TPH2: variants seen among roughly 807,000 people sequenced by gnomAD.
TPH2 encodes tryptophan hydroxylase 2.
TPH2 carries 27 observed loss-of-function variants against 59.1 expected under a neutral mutation model. The observed-to-expected ratio is 0.46, with a 90% confidence interval of 0.34 to 0.63. The LOEUF (loss-of-function observed/expected upper bound fraction) is 0.63, where lower values mean the gene tolerates loss of function less well. Ranked by LOEUF, TPH2 falls within the 30% of genes least tolerant of loss-of-function variation. The probability of loss-of-function intolerance (pLI) is 0.01; values close to 1 mark genes in which losing one functional copy is unlikely to be tolerated. For missense variants in TPH2, 523 were observed against 588.3 expected, an observed-to-expected ratio of 0.89 and a Z score of 1.15; for synonymous variants, 220 against 210.5, an observed-to-expected ratio of 1.05 and a Z score of -0.39.
intron 8 of TPH2, among the ~76,000 whole-genome samples, chr12:72,017,484 A>G (rs1174272773): frequency 6.6e-6 from 1 of 152,246 alleles, no homozygotes; most frequent in Non-Finnish European, 1.5e-5. Context: ...ATAAATAATT[A>G]CATGTCATTA....
chr12:72,016,110 G>A (rs1319450553), intron 8 of TPH2, among the ~76,000 whole-genome samples: 2 of 152,094 alleles, frequency 1.3e-5, no homozygotes, highest in Non-Finnish European at 2.9e-5. Flanking sequence ...CAAACCACTT[G>A]AACTTTGAGT....
At position 72,004,219 on chromosome 12, in the gene TPH2, A is replaced by G. The variant is rs116884207; in HGVS notation, c.1068+9654A>G. On this transcript the variant is annotated intron_variant, in intron 8 of 10. Transcript: ENST00000333850. ...GAGTGTTAGATTTGTTACTTCCTAAACTTGTGCTCAGCTTAGGCACAAAGA... is the reference window on the plus strand; with the variant it reads ...GAGTGTTAGATTTGTTACTTCCTAAGCTTGTGCTCAGCTTAGGCACAAAGA... Among the ~76,000 whole-genome samples, 596 of 150,518 alleles carry G rather than the reference A, an allele frequency of 4.0e-3. 35 individuals are homozygous for G. Among genetic ancestry groups the G allele is most frequent in the Admixed American group, 0.012 (174 of 14,828 alleles).
chr12:72,019,376 C>T (rs1266458070), intron 8 of TPH2, among the ~76,000 whole-genome samples: 1 of 152,168 alleles, frequency 6.6e-6, no homozygotes, highest in Non-Finnish European at 1.5e-5. Flanking sequence ...CAGCAACTTC[C>T]CATTGCTCTT....
intron 2 of TPH2, among the ~76,000 whole-genome samples, chr12:71,942,984 C>T (rs1002044139): frequency 7.2e-5 from 11 of 152,114 alleles, no homozygotes; most frequent in African/African-American, 2.4e-4. Flanking sequence ...CAGCTAGTCA[C>T]GGGGCCTTAG....
intron 4 of TPH2, among the ~76,000 whole-genome samples, chr12:71,945,536 T>TGC (rs1211102192): frequency 6.6e-6 from 1 of 152,126 alleles, no homozygotes; most frequent in East Asian, 1.9e-4. Flanking sequence ...AGGTAGTAGT[T>TGC]TACAGACATT....
rs750560976 is a variant in TPH2, at chr12:72,031,700, T to C, written c.*5T>C. The stretch of plus-strand genomic sequence containing the variant: ...AACCAATATCTGGGGATTTGATGCC[T>C]GGAACTATGTTGTTGCCAGCATGAT... On this transcript the variant is annotated 3_prime_UTR_variant, in exon 11 of 11. Transcript: ENST00000333850. 5.0e-6 allele frequency: 8 copies of C among 1,613,156 alleles called. No homozygotes were observed. The African/African-American group carries it at 1.1e-4, about 22-fold the overall frequency.
At chr12:71,953,853 A>G (rs1323900494) in intron 5 of TPH2, among the ~76,000 whole-genome samples, 7 of 152,314 alleles carry the variant, frequency 4.6e-5, no homozygotes, top group African/African-American at 1.7e-4. Flanking sequence ...AGAAGAAGTC[A>G]AACATGTGGT....
chr12:71,989,719 A>G (rs947978684), intron 7 of TPH2, among the ~76,000 whole-genome samples: 4 of 152,218 alleles, frequency 2.6e-5, no homozygotes, highest in Non-Finnish European at 5.9e-5. Flanking sequence ...TGATAAGAGG[A>G]GAAAAATGCC....
chr12:71,942,575 G>A (rs1395083142), intron 2 of TPH2, among the ~76,000 whole-genome samples: 1 of 152,126 alleles, frequency 6.6e-6, no homozygotes, highest in Non-Finnish European at 1.5e-5. Context: ...TCCTGGCTTG[G>A]CTAAACACTA....
intron 8 of TPH2, among the ~76,000 whole-genome samples, chr12:72,013,994 AAG>A (rs1873170220): frequency 6.6e-6 from 1 of 152,164 alleles, no homozygotes; most frequent in Admixed American, 6.5e-5. Flanking sequence ...GAGAGGCTCG[AAG>A]AGAGTATATG....
intron 9 of TPH2, among the ~76,000 whole-genome samples, chr12:72,023,191 A>G (rs1030417701): frequency 2.0e-5 from 3 of 152,142 alleles, no homozygotes; most frequent in Non-Finnish European, 4.4e-5. Flanking sequence ...GCAAGTTTTG[A>G]TGCATTTTAA....
At chr12:72,025,107 T>A (rs1239504305) in intron 9 of TPH2, among the ~76,000 whole-genome samples, 1 of 152,096 alleles carries the variant, frequency 6.6e-6, no homozygotes, top group Non-Finnish European at 1.5e-5. Flanking sequence ...TAACCTTTAT[T>A]TGAATGAAAA....
intron 9 of TPH2, among the ~76,000 whole-genome samples, chr12:72,022,886 C>T (rs1418512119): frequency 1.3e-5 from 2 of 152,192 alleles, no homozygotes; most frequent in African/African-American, 4.8e-5. Context: ...CTCCCTGGCT[C>T]CTTTGGACTC....
At chr12:71,954,780 T>A (rs1871447614) in intron 5 of TPH2, among the ~76,000 whole-genome samples, 1 of 152,188 alleles carries the variant, frequency 6.6e-6, no homozygotes, top group Non-Finnish European at 1.5e-5. Context: ...AACACATTTT[T>A]CTTTTGGGGG....
At chr12:72,006,231 C>G (rs750781534) in intron 8 of TPH2, among the ~76,000 whole-genome samples, 49 of 152,116 alleles carry the variant, frequency 3.2e-4, no homozygotes, top group Non-Finnish European at 5.0e-4. Flanking sequence ...GAAGATTATT[C>G]ATAACACTTG....
At chr12:71,951,062 T>C (rs917709959) in intron 5 of TPH2, among the ~76,000 whole-genome samples, 2 of 152,138 alleles carry the variant, frequency 1.3e-5, no homozygotes, top group Non-Finnish European at 2.9e-5. Context: ...CTAAGCAGCT[T>C]CTTTCCCCTC....
intron 8 of TPH2, among the ~76,000 whole-genome samples, chr12:71,999,405 T>TA (rs1872767908): frequency 6.6e-6 from 1 of 152,326 alleles, no homozygotes; most frequent in African/African-American, 2.4e-5. Context: ...GGATAATAAA[T>TA]AAGACCACTG....
At chr12:71,978,900 C>T in intron 6 of TPH2, 52 bp from the exon 7 acceptor site, 1 of 1,613,294 alleles carries the variant, frequency 6.2e-7, no homozygotes, top group Non-Finnish European at 8.5e-7. Flanking sequence ...TGCTTGGGCC[C>T]TCAAGTCTTG....
intron 7 of TPH2, among the ~76,000 whole-genome samples, chr12:71,987,039 A>C (rs1283020864): frequency 1.3e-5 from 2 of 152,204 alleles, no homozygotes; most frequent in Admixed American, 1.3e-4. Context: ...GACATTTCCC[A>C]CACACGTTCT....
Sources: allele counts gnomAD v4.1 joint callset (sites outside exome capture counted in the v4.1 genomes callset), GRCh38; gene constraint gnomAD v4.1.1; transcripts MANE v1.5; gene names NCBI Gene and HGNC (gene_info 2026-07-23, HGNC 2026-07-21).